HSD17B14: variants seen among roughly 807,000 people sequenced by gnomAD.
HSD17B14 encodes the protein hydroxysteroid 17-beta dehydrogenase 14, also known as L-fucose dehydrogenase.
Under a neutral mutation model 32.2 loss-of-function variants are expected in HSD17B14, and 32 were observed. The ratio of observed to expected loss-of-function variants is 0.99; its 90% CI spans 0.75 to 1.33. The LOEUF is 1.33. HSD17B14 is among the 40% of genes most tolerant of loss of function. The pLI, the probability that HSD17B14 is intolerant of heterozygous loss-of-function variation, is 0.00. For synonymous variants in HSD17B14, 140 were observed against 155.4 expected (o/e 0.90, Z 0.74); for missense variants, 370 against 366.5 (o/e 1.01, Z -0.08).
At chr19:48,832,447 G>A (rs1162356700) in intron 4 of HSD17B14, among the ~76,000 whole-genome samples, 1 of 152,112 alleles carries the variant, frequency 6.6e-6, no homozygotes, top group Admixed American at 6.6e-5. Flanking sequence ...ATGGCCAAGT[G>A]AGGGCACAGC....
intron 5 of HSD17B14, among the ~76,000 whole-genome samples, chr19:48,822,883 T>C (rs2035184910): frequency 6.6e-6 from 1 of 152,002 alleles, no homozygotes; most frequent in Admixed American, 6.6e-5. Flanking sequence ...ATGGTGATGG[T>C]GAGGATGACG....
intron 5 of HSD17B14, among the ~76,000 whole-genome samples, chr19:48,823,394 A>G (rs2035191513): frequency 6.6e-6 from 1 of 152,052 alleles, no homozygotes; most frequent in African/African-American, 2.4e-5. Context: ...TGGGTGACAG[A>G]GCAAGACACT....
chr19:48,813,651 AG>A lies in HSD17B14; in HGVS notation c.542+11del. Reference sequence around the variant, plus strand: ...CCCCCAGGAGGCTCTCCGCCTGCTCAGAGCAGCTCACCAGTTGACTCGGACA... The same window carrying A: ...CCCCCAGGAGGCTCTCCGCCTGCTCAAGCAGCTCACCAGTTGACTCGGACA... On this transcript the variant is annotated intron_variant, in intron 7 of 8. Coordinates refer to ENST00000263278, the MANE Select transcript of HSD17B14 (RefSeq NM_016246.3). 1 of 1,614,168 alleles carries A rather than the reference AG, an allele frequency of 6.2e-7. No homozygotes were observed.
rs60266504 is a variant in HSD17B14 at position 48,825,237 on chromosome 19, CAA to C, written c.369+6429_369+6430del. On this transcript the variant is annotated intron_variant, in intron 5 of 8. Transcript: ENST00000263278. ...TGGGCGATAGAGCGAGACTCCGTCG[CAA>C]AAAAAAAAAAAAAAAAAATTGTATG... Among the ~76,000 whole-genome samples, 840 of 89,028 alleles carry C rather than the reference CAA, an allele frequency of 9.4e-3. 5 individuals carry two copies. The highest frequency in any genetic ancestry group is 0.01 in the Non-Finnish European group (480 of 45,730). The allele number at this position is 89,028 out of a possible 152,430, so 58.4% of individuals were successfully genotyped here. A position where few individuals can be genotyped will look rare whatever the true frequency, so the allele number is the denominator to read the frequency against.
chr19:48,822,493 G>C (rs1028866664), intron 5 of HSD17B14, among the ~76,000 whole-genome samples: 1 of 151,642 alleles, frequency 6.6e-6, no homozygotes, highest in Non-Finnish European at 1.5e-5. Flanking sequence ...TGGTGATGGT[G>C]ATGATTGTGG....
At chr19:48,826,536 TATATATAC>T (rs1322759137) in intron 5 of HSD17B14, among the ~76,000 whole-genome samples, 1 of 93,384 alleles carries the variant, frequency 1.1e-5, no homozygotes, top group East Asian at 3.1e-4. Flanking sequence ...AAAATATATA[TATATATAC>T]ACACACACAC....
At chr19:48,814,856 A>G (rs2035024484) in intron 6 of HSD17B14, among the ~76,000 whole-genome samples, 181 bp downstream of exon 6, 1 of 151,496 alleles carries the variant, frequency 6.6e-6, no homozygotes, top group Non-Finnish European at 1.5e-5. Context: ...AAAAAAAGAA[A>G]AGAAAAGAAA....
At chr19:48,835,640 C>T (rs1391999635) in intron 2 of HSD17B14, among the ~76,000 whole-genome samples, 165 bp downstream of exon 2, 1 of 143,092 alleles carries the variant, frequency 7.0e-6, no homozygotes, top group Non-Finnish European at 1.5e-5. Context: ...GGGGCCTGGA[C>T]TCCTAGGTCT....
intron 3 of HSD17B14, among the ~76,000 whole-genome samples, chr19:48,833,415 C>T (rs770071495): frequency 5.3e-5 from 8 of 152,150 alleles, no homozygotes; most frequent in Non-Finnish European, 8.8e-5. Context: ...ATACAGGCCA[C>T]GTGCAGTGGC....
intron 5 of HSD17B14, among the ~76,000 whole-genome samples, chr19:48,816,053 T>A (rs1395910723): frequency 6.7e-6 from 1 of 148,976 alleles, no homozygotes; most frequent in Non-Finnish European, 1.5e-5. Flanking sequence ...AGAAATGCAC[T>A]GTTTCCTGCC....
At chr19:48,816,389 G>A (rs146629871) in intron 5 of HSD17B14, among the ~76,000 whole-genome samples, 25 of 152,062 alleles carry the variant, frequency 1.6e-4, no homozygotes, top group African/African-American at 5.5e-4. Context: ...CTGTATCTTC[G>A]ACACACCCTG....
chr19:48,835,922 G>GGAGATCAGCCCCAATCCA, intron 1 of HSD17B14, 79 bp from the exon 2 acceptor site: 1 of 1,334,794 alleles, frequency 7.5e-7, no homozygotes, highest in Non-Finnish European at 1.1e-6. Flanking sequence ...ACCTGGATTG[G>GGAGATCAGCCCCAATCCA]GGCTGATCTC....
intron 5 of HSD17B14, among the ~76,000 whole-genome samples, chr19:48,816,823 C>CTTTCTTTCTTTCTTTCTTTCT (rs776466547): frequency 1.9e-3 from 97 of 50,764 alleles, no homozygotes; most frequent in African/African-American, 7.8e-3. Flanking sequence ...TTCTTTCTTT[C>CTTTCTTTCTTTCTTTCTTTCT]TTTTCTTTCT....
Position 48,836,423 on chromosome 19 carries a change from C to T in HSD17B14, c.-12G>A, listed in dbSNP as rs544175843. ...GTTCCCGTAGCCATCCCGTGTACGTCGGTCTCTCTCTCTCTCTACTCTGGG... is the reference window on the plus strand; with the variant it reads ...GTTCCCGTAGCCATCCCGTGTACGTTGGTCTCTCTCTCTCTCTACTCTGGG... On this transcript the variant is annotated 5_prime_UTR_variant, in exon 1 of 9. Transcript: ENST00000263278. 14 of 1,611,564 alleles carry T rather than the reference C, an allele frequency of 8.7e-6. No homozygotes were observed. The African/African-American group carries it at 1.4e-4, about 16-fold the overall frequency.
chr19:48,814,637 C>T (rs1372986460), intron 6 of HSD17B14, among the ~76,000 whole-genome samples: 3 of 151,710 alleles, frequency 2.0e-5, no homozygotes, highest in Admixed American at 1.3e-4. Context: ...GTCAGAAGAT[C>T]GAGACCATCC....
Position 48,813,206 on chromosome 19 carries a change from G to T in HSD17B14, c.782C>A (p.Thr261Asn), listed in dbSNP as rs765538934. 76 of 1,607,618 alleles carry T rather than the reference G, an allele frequency of 4.7e-5. No homozygotes were observed. The highest frequency in any genetic ancestry group is 5.9e-5 in the Non-Finnish European group (70 of 1,177,110). ...AGGGATATCGGGGGCGTCCACGGGGGTGCTCCGACTGGCCTTGCACCCGTA... is the reference window on the plus strand; with the variant it reads ...AGGGATATCGGGGGCGTCCACGGGGTTGCTCCGACTGGCCTTGCACCCGTA... ...LGYGCKASRS[T>N]PVDAPDIPS Residue 261 changes from threonine to asparagine, a missense_variant, in exon 9 of 9, where the codon ACC becomes AAC. Thr to Asn is a moderately conservative substitution (Grantham distance 65, BLOSUM62 0). Transcript: ENST00000263278.
Position 48,819,208 on chromosome 19 carries a change from C to T in HSD17B14, c.370-4067G>A, listed in dbSNP as rs191778413. Among the ~76,000 whole-genome samples the T allele has an allele frequency of 1.1e-3, 175 of 152,200 alleles. 1 individual carries two copies. The highest frequency in any genetic ancestry group is 1.9e-3 in the Non-Finnish European group (131 of 68,020). On this transcript the variant is annotated intron_variant, in intron 5 of 8. Coordinates refer to ENST00000263278, the MANE Select transcript of HSD17B14 (RefSeq NM_016246.3). ...TTCTCCATGTTGGCCAGACTGGTTTCGAACTCCTGACCTCAGGCAACCTGC... is the reference window on the plus strand; with the variant it reads ...TTCTCCATGTTGGCCAGACTGGTTTTGAACTCCTGACCTCAGGCAACCTGC...
intron 5 of HSD17B14, among the ~76,000 whole-genome samples, chr19:48,820,627 G>T (rs188113847): frequency 0.031 from 4,558 of 149,218 alleles, 225 homozygotes; most frequent in African/African-American, 0.1. Context: ...CGCCTCCCAG[G>T]TTCAAGCAAT....
Position 48,813,263 on chromosome 19 carries a change from T to G in HSD17B14, c.725A>C (p.Glu242Ala). 6.2e-7 allele frequency: 1 copy of G among 1,607,690 alleles called. No individual in the cohort carries two copies. Among genetic ancestry groups the G allele is most frequent in the South Asian group, 1.1e-5 (1 of 89,794 alleles). ...ASEANFCTGI[E>A]LLVTGGAELG... ...CTCTGCACCCCCCGTCACGAGCAGTTCAATGCCCGTGCAGAAGTTGGCTTC... is the reference window on the plus strand; with the variant it reads ...CTCTGCACCCCCCGTCACGAGCAGTGCAATGCCCGTGCAGAAGTTGGCTTC... The change falls in exon 9 of 9, where the codon GAA becomes GCA. Residue 242 changes from glutamate (E) to alanine (A), a missense_variant. Physicochemically the swap from Glu to Ala is moderately radical, Grantham distance 107. Transcript: ENST00000263278.
Sources: allele counts gnomAD v4.1 joint callset (sites outside exome capture counted in the v4.1 genomes callset), GRCh38; gene constraint gnomAD v4.1.1; transcripts MANE v1.5; gene names NCBI Gene and HGNC (gene_info 2026-07-23, HGNC 2026-07-21).